Variants in UNC5D observed in about 807,000 individuals in gnomAD.
The protein encoded by UNC5D is unc-5 netrin receptor D, also known as netrin receptor UNC5D.
Under a neutral mutation model 105.4 loss-of-function variants are expected in UNC5D, and 39 were observed. The ratio of observed to expected loss-of-function variants is 0.37; its 90% CI spans 0.29 to 0.48. UNC5D has a LOEUF of 0.48. UNC5D is among the 20% of genes least tolerant of loss of function. The pLI is 0.98. For missense variants in UNC5D, 991 were observed against 1,202.4 expected, an observed-to-expected ratio of 0.82 and a Z score of 2.60; for synonymous variants, 452 against 450.4, an observed-to-expected ratio of 1.00 and a Z score of -0.04.
In UNC5D at chr8:35,677,143, T is replaced by C. The variant is rs569648785; in HGVS notation, c.571-6404T>C. Among the ~76,000 whole-genome samples the C allele has an allele frequency of 3.0e-3, 461 of 152,250 alleles. 3 individuals carry two copies. Among genetic ancestry groups the C allele is most frequent in the African/African-American group, 0.011 (437 of 41,542 alleles). On this transcript the variant is annotated intron_variant, in intron 4 of 16. Transcript: ENST00000404895. ...ATCACATTCCTATAATTTCTGATGC[T>C]AAAGCTAAATACTCTGTAAATTAAA...
intron 4 of UNC5D, among the ~76,000 whole-genome samples, chr8:35,670,876 A>AGAT (rs1356023776): frequency 6.6e-6 from 1 of 152,156 alleles, no homozygotes; most frequent in African/African-American, 2.4e-5. Flanking sequence ...TAAAATAAAA[A>AGAT]GATGGCAGAA....
chr8:35,611,288 G>T (rs1375897804), intron 4 of UNC5D, among the ~76,000 whole-genome samples: 2 of 152,042 alleles, frequency 1.3e-5, no homozygotes, highest in African/African-American at 4.8e-5. Flanking sequence ...CCCAAACATT[G>T]CCCTCTCTTC....
intron 1 of UNC5D, among the ~76,000 whole-genome samples, chr8:35,240,692 C>G (rs2128800735): frequency 6.6e-6 from 1 of 152,258 alleles, no homozygotes; most frequent in African/African-American, 2.4e-5. Context: ...GACAATTTTT[C>G]TGAACTATGC....
rs1829445761 is a variant in UNC5D, at chr8:35,735,962, TAATAAG to T, written c.1766+4870_1766+4875del. 2.0e-5 allele frequency among the ~76,000 whole-genome samples: 3 copies of T among 152,206 alleles called. No homozygotes were observed. In the South Asian group the frequency reaches 6.2e-4, roughly 32 times the overall value. On this transcript the variant is annotated intron_variant, in intron 11 of 16. Coordinates refer to ENST00000404895, the MANE Select transcript of UNC5D (RefSeq NM_080872.4). ...AAGATGGGCCAGCTGGTCATTCTCT[TAATAAG>T]AATGGAGTTTTTATGATATGAATCT...
At chr8:35,319,363 T>C (rs1158080675) in intron 1 of UNC5D, among the ~76,000 whole-genome samples, 4 of 152,128 alleles carry the variant, frequency 2.6e-5, no homozygotes, top group Non-Finnish European at 5.9e-5. Context: ...CATTTTGCTT[T>C]TACTGTTGCA....
chr8:35,683,784 T>A (rs543708437), intron 5 of UNC5D, 57 bp downstream of exon 5: 2 of 1,402,096 alleles, frequency 1.4e-6, no homozygotes, highest in African/African-American at 3.0e-5. Context: ...GGTAGAGGGA[T>A]GTGTGTTTTA....
chr8:35,387,767 G>T (rs7013157), intron 1 of UNC5D, among the ~76,000 whole-genome samples: 80,809 of 151,936 alleles, frequency 0.53, 22,228 homozygotes, highest in East Asian at 0.71. Flanking sequence ...TAGGAGTACA[G>T]GTATTTAGAG....
At chr8:35,646,724 A>C (rs987790700) in intron 4 of UNC5D, among the ~76,000 whole-genome samples, 1 of 152,122 alleles carries the variant, frequency 6.6e-6, no homozygotes, top group Non-Finnish European at 1.5e-5. Context: ...AAATGATGGG[A>C]TCACTGATGA....
intron 14 of UNC5D, among the ~76,000 whole-genome samples, chr8:35,760,661 C>G (rs550557189): frequency 1.1e-4 from 17 of 152,276 alleles, no homozygotes; most frequent in African/African-American, 3.8e-4. Context: ...GGAAAAGCTT[C>G]TGGCGGACTC....
intron 1 of UNC5D, among the ~76,000 whole-genome samples, chr8:35,414,042 TG>T (rs1648515582): frequency 6.6e-6 from 1 of 152,138 alleles, no homozygotes; most frequent in African/African-American, 2.4e-5. Context: ...TGTTTTTGTT[TG>T]TTTTTGTTTC....
chr8:35,331,847 T>C (rs1810656017), intron 1 of UNC5D, among the ~76,000 whole-genome samples: 1 of 152,172 alleles, frequency 6.6e-6, no homozygotes, highest in African/African-American at 2.4e-5. Context: ...CATCTGAAGA[T>C]GGGAAAACAC....
intron 4 of UNC5D, among the ~76,000 whole-genome samples, chr8:35,596,320 A>G (rs941608779): frequency 2.6e-5 from 4 of 152,214 alleles, no homozygotes; most frequent in Admixed American, 6.5e-5. Context: ...CTCTGGTCAT[A>G]GGAAAGTCTT....
rs948379339 is a variant in UNC5D, at chr8:35,750,868, G to T, written c.2163+59G>T. ...TCATGAAAGTGTGTGTTTTCCAAAA[G>T]ATCAGTATCAATTGAAAATTTTATT... On this transcript the variant is annotated intron_variant, in intron 13 of 16. Transcript: ENST00000404895. 9 of 1,597,868 alleles carry T rather than the reference G, an allele frequency of 5.6e-6. No homozygotes were observed. The Admixed American group carries it at 6.7e-5, about 12-fold the overall frequency.
rs975610424 is a variant in UNC5D, at chr8:35,760,747, G to A, written c.2313+1278G>A. The stretch of plus-strand genomic sequence containing the variant: ...CAGCATAATGTGTAGCGTCCTCTGC[G>A]TTTTGTAACCTTCCATCCTTGCAGC... On this transcript the variant is annotated intron_variant, in intron 14 of 16. Transcript: ENST00000404895. 4.6e-5 allele frequency among the ~76,000 whole-genome samples: 7 copies of A among 151,118 alleles called. No individual in the cohort carries two copies. The South Asian group carries it at 6.2e-4, about 13-fold the overall frequency.
chr8:35,644,564 G>A (rs1822935443), intron 4 of UNC5D, among the ~76,000 whole-genome samples: 3 of 152,136 alleles, frequency 2.0e-5, no homozygotes, highest in Admixed American at 2.0e-4. Context: ...ATTTTGATCA[G>A]TTTTAAAGAT....
chr8:35,566,272 TATTA>T (rs1817330841), intron 2 of UNC5D, among the ~76,000 whole-genome samples: 1 of 152,190 alleles, frequency 6.6e-6, no homozygotes, highest in Admixed American at 6.5e-5. Flanking sequence ...AATAACACGT[TATTA>T]ATTGAGTGGA....
At chr8:35,454,697 A>T (rs886685854) in intron 1 of UNC5D, among the ~76,000 whole-genome samples, 3 of 152,126 alleles carry the variant, frequency 2.0e-5, no homozygotes, top group Non-Finnish European at 4.4e-5. Context: ...CTTTGTTAAA[A>T]TGGTATATTT....
At chr8:35,604,705 T>C (rs1246356874) in intron 4 of UNC5D, among the ~76,000 whole-genome samples, 6 of 152,238 alleles carry the variant, frequency 3.9e-5, no homozygotes. Flanking sequence ...TTTGGTCTTT[T>C]CACATAGTCC....
At chr8:35,622,069 C>T (rs113265030) in intron 4 of UNC5D, among the ~76,000 whole-genome samples, 1,882 of 152,112 alleles carry the variant, frequency 0.012, 16 homozygotes, top group Non-Finnish European at 0.018. Context: ...GGGGGCCGGG[C>T]GCGGTGGCTC....
Sources: allele counts gnomAD v4.1 joint callset (sites outside exome capture counted in the v4.1 genomes callset), GRCh38; gene constraint gnomAD v4.1.1; transcripts MANE v1.5; gene names NCBI Gene and HGNC (gene_info 2026-07-23, HGNC 2026-07-21).